Variants in CSNK2A2 observed in about 807,000 individuals in gnomAD.
The protein encoded by CSNK2A2 is casein kinase II subunit alpha'.
In CSNK2A2, 8 loss-of-function variants were observed where a neutral mutation model predicts 54.0. The ratio of observed to expected loss-of-function variants is 0.15; its 90% CI spans 0.09 to 0.27. The LOEUF (loss-of-function observed/expected upper bound fraction) is 0.27, where lower values mean the gene tolerates loss of function less well. CSNK2A2 is among the 10% of genes least tolerant of loss of function. The pLI is 1.00. For missense variants in CSNK2A2, 242 were observed against 439.4 expected (o/e 0.55, Z 4.02); for synonymous variants, 141 against 153.9 (o/e 0.92, Z 0.62).
At chr16:58,185,677 A>T (rs1328732706) in intron 3 of CSNK2A2, among the ~76,000 whole-genome samples, 1 of 152,210 alleles carries the variant, frequency 6.6e-6, no homozygotes, top group African/African-American at 2.4e-5. Context: ...AAAGGACAGG[A>T]TATCTTAAAG....
At chr16:58,189,863 T>G (rs942912356) in intron 2 of CSNK2A2, among the ~76,000 whole-genome samples, 51 of 152,324 alleles carry the variant, frequency 3.3e-4, no homozygotes, top group African/African-American at 1.2e-3. Flanking sequence ...AGTTTATTCC[T>G]CTGAACTGGA....
chr16:58,183,101 T>TATAA (rs1165856585), intron 4 of CSNK2A2, among the ~76,000 whole-genome samples: 1 of 152,066 alleles, frequency 6.6e-6, no homozygotes, highest in Non-Finnish European at 1.5e-5. Context: ...GGCTCACACC[T>TATAA]ATAATCCCAG....
rs1373883946 is a variant in CSNK2A2, at chr16:58,186,631, G to C, written c.318+124C>G. The C allele has an allele frequency of 6.1e-6, 4 of 654,652 alleles. No individual in the cohort carries two copies. The Admixed American group carries it at 1.3e-4, about 21-fold the overall frequency. 40.6% of individuals were successfully genotyped at this position (654,652 alleles called of 1,614,324 possible). A position where few individuals can be genotyped will look rare whatever the true frequency, so the allele number is the denominator to read the frequency against. ...TGATTTTTTTCTGGTTTTCAAACCA[G>C]TCAGTAGTTAAAGACAAACACCACC... On this transcript the variant is annotated intron_variant, in intron 3 of 11. Transcript: ENST00000262506.
In CSNK2A2 at chr16:58,198,076, C is replaced by G. The variant is rs1019814893; in HGVS notation, c.-340G>C. On this transcript the variant is annotated 5_prime_UTR_variant, in exon 1 of 12. Coordinates refer to ENST00000262506, the MANE Select transcript of CSNK2A2 (RefSeq NM_001896.4). ...CAGCCACCGGCCGGGAAAGGGGCAG[C>G]GGCGGCGGCAGCGGAGAAGAAGGAG... Among the ~76,000 whole-genome samples, 16 of 145,592 alleles carry G rather than the reference C, an allele frequency of 1.1e-4. No homozygotes were observed. Among genetic ancestry groups the G allele is most frequent in the Non-Finnish European group, 1.4e-4 (9 of 65,506 alleles).
At chr16:58,196,487 T>C (rs1962452899) in intron 2 of CSNK2A2, among the ~76,000 whole-genome samples, 1 of 152,128 alleles carries the variant, frequency 6.6e-6, no homozygotes, top group African/African-American at 2.4e-5. Flanking sequence ...CTGGGCGTGG[T>C]GGCATGCACC....
chr16:58,184,330 T>C lies in CSNK2A2; in HGVS notation c.319-20A>G, dbSNP rs1479487746. ...CTTTGACTGTAAAAGAGAATATTAA[T>C]GCTTTTTAAGTACCCAAACAATAAT... On this transcript the variant is annotated intron_variant, in intron 3 of 11. Coordinates refer to ENST00000262506, the MANE Select transcript of CSNK2A2 (RefSeq NM_001896.4). 5 of 1,554,376 alleles carry C rather than the reference T, an allele frequency of 3.2e-6. No individual in the cohort carries two copies. The highest frequency in any genetic ancestry group is 2.3e-5 in the South Asian group (2 of 86,998).
Position 58,197,683 on chromosome 16 carries a change from A to G in CSNK2A2, c.54T>C (p.Ser18=), listed in dbSNP as rs576968089. The change falls in exon 1 of 12, where the codon AGT becomes AGC. Residue 18 remains serine (S), a synonymous_variant. Transcript: ENST00000262506. The surrounding 1 kb of genome is among the most constrained non-coding windows in gnomAD (Gnocchi z 4.0). ...SRARVYAEVN[S]LRSREYWDYE... ...AGTCCCAGTACTCGCGGCTCCTCAG[A>G]CTGTTCACCTCGGCGTAGACCCGGG... The G allele has an allele frequency of 6.4e-7, 1 of 1,572,566 alleles. No individual in the cohort carries two copies. Among genetic ancestry groups the G allele is most frequent in the Non-Finnish European group, 8.6e-7 (1 of 1,162,672 alleles).
intron 1 of CSNK2A2, 57 bp from the exon 2 acceptor site, chr16:58,196,901 C>T (rs936838655): frequency 5.7e-6 from 6 of 1,057,414 alleles, no homozygotes; most frequent in Non-Finnish European, 8.9e-6. Flanking sequence ...CAAGCCTATG[C>T]CCACTGTACA....
intron 10 of CSNK2A2, 84 bp from the exon 11 acceptor site, chr16:58,164,231 A>C (rs1348379206): frequency 2.3e-6 from 3 of 1,294,300 alleles, no homozygotes; most frequent in Non-Finnish European, 3.3e-6. Context: ...TTTCAACGGA[A>C]AGAGAGACAG....
chr16:58,172,112 C>T (rs1961762931), intron 5 of CSNK2A2, among the ~76,000 whole-genome samples: 3 of 150,156 alleles, frequency 2.0e-5, no homozygotes, highest in Non-Finnish European at 3.0e-5. Context: ...CGTGAGCCAC[C>T]GAGTCTGGCC....
intron 11 of CSNK2A2, chr16:58,158,765 T>C (rs1465567892): frequency 1.3e-5 from 2 of 152,230 alleles, no homozygotes; most frequent in Non-Finnish European, 2.9e-5. Context: ...TGAGGTGTCT[T>C]AGGACTAAGA....
At chr16:58,195,532 T>A (rs2142456499) in intron 2 of CSNK2A2, among the ~76,000 whole-genome samples, 1 of 152,320 alleles carries the variant, frequency 6.6e-6, no homozygotes, top group African/African-American at 2.4e-5. Flanking sequence ...AGGGCCACAA[T>A]GGAAATCACA....
At chr16:58,191,516 C>G (rs1962321047) in intron 2 of CSNK2A2, among the ~76,000 whole-genome samples, 1 of 152,100 alleles carries the variant, frequency 6.6e-6, no homozygotes, top group Admixed American at 6.6e-5. Context: ...CACCCGCCAC[C>G]ATGGCCAACT....
intron 4 of CSNK2A2, among the ~76,000 whole-genome samples, chr16:58,175,563 A>G (rs1265149622): frequency 6.6e-6 from 1 of 152,228 alleles, no homozygotes; most frequent in Non-Finnish European, 1.5e-5. Flanking sequence ...CAGAAGTAAT[A>G]AAAACTGGTT....
At chr16:58,174,673 G>T (rs1961830200) in intron 4 of CSNK2A2, among the ~76,000 whole-genome samples, 163 bp from the exon 5 acceptor site, 1 of 151,752 alleles carries the variant, frequency 6.6e-6, no homozygotes, top group South Asian at 2.1e-4. Flanking sequence ...AAAGATGAAG[G>T]TTTTATATTT....
chr16:58,165,646 T>A lies in CSNK2A2; in HGVS notation c.890A>T (p.Glu297Val). 6.2e-7 allele frequency: 1 copy of A among 1,614,128 alleles called. No homozygotes were observed. Among genetic ancestry groups the A allele is most frequent in the Non-Finnish European group, 8.5e-7 (1 of 1,180,006 alleles). ...AAGTTTGTCCAGAAGATCTAGGGCC[T>A]CAGGGCTGACAAGGTGTCTGTTCTC... ...HSENRHLVSP[E>V]ALDLLDKLLR... Residue 297 changes from glutamate (E) to valine (V), a missense_variant, in exon 10 of 12, where the codon GAG becomes GTG. By Grantham distance (121) the Glu-to-Val change is moderately radical. Transcript: ENST00000262506.
intron 11 of CSNK2A2, chr16:58,161,526 GACAC>G (rs1164766819): frequency 1.6e-4 from 17 of 107,500 alleles, no homozygotes; most frequent in African/African-American, 5.5e-4. Flanking sequence ...TAGACACACA[GACAC>G]ACACACAGAC....
chr16:58,168,480 G>T, intron 6 of CSNK2A2, 130 bp downstream of exon 6: 1 of 638,180 alleles, frequency 1.6e-6, no homozygotes. Flanking sequence ...GGAGATGGGA[G>T]AAATCACAGT....
At chr16:58,159,918 T>A (rs1051980474) in intron 11 of CSNK2A2, 9 of 152,338 alleles carry the variant, frequency 5.9e-5, no homozygotes, top group African/African-American at 2.2e-4. Context: ...TTTTTCTTTT[T>A]AAAAAACAAT....
Sources: gnomAD v4.1 joint callset for allele counts (sites outside exome capture counted in the v4.1 genomes callset) on GRCh38, gnomAD v4.1.1 for gene constraint, Gnocchi (gnomAD v3.1) non-coding constraint, MANE v1.5 for transcripts, NCBI Gene and HGNC (gene_info 2026-07-23, HGNC 2026-07-21) for gene names.